Variants in FBXO11 observed in about 807,000 individuals in gnomAD.
The protein encoded by FBXO11 is F-box protein 11.
A neutral mutation model predicts 117.0 loss-of-function variants in FBXO11; 13 were observed. The observed-to-expected ratio is 0.11, with a 90% CI of 0.07 to 0.18. The LOEUF is 0.18. FBXO11 is among the 10% of genes least tolerant of loss of function. The probability of loss-of-function intolerance (pLI) is 1.00; values close to 1 mark genes in which losing one functional copy is unlikely to be tolerated. For missense variants in FBXO11, 767 were observed against 1,164.4 expected, an observed-to-expected ratio of 0.66 and a Z score of 4.97; for synonymous variants, 490 against 380.5, an observed-to-expected ratio of 1.29 and a Z score of -3.35.
chr2:47,830,452 G>T (rs1186744258), intron 11 of FBXO11, among the ~76,000 whole-genome samples: 2 of 151,966 alleles, frequency 1.3e-5, no homozygotes, highest in Non-Finnish European at 2.9e-5. Flanking sequence ...TTAAATTCAA[G>T]AATGGAGAAA....
At chr2:47,843,368 G>A (rs1673158915) in intron 1 of FBXO11, among the ~76,000 whole-genome samples, 1 of 151,248 alleles carries the variant, frequency 6.6e-6, no homozygotes, top group Admixed American at 6.6e-5. Flanking sequence ...GAGGGTGGTG[G>A]TGGTTTATTC....
chr2:47,850,736 G>C (rs1259906431), intron 1 of FBXO11, among the ~76,000 whole-genome samples: 1 of 152,088 alleles, frequency 6.6e-6, no homozygotes, highest in Non-Finnish European at 1.5e-5. Flanking sequence ...ACTAATTCAA[G>C]GATTAAAGTC....
chr2:47,866,735 G>C lies in FBXO11; in HGVS notation c.233-26966C>G, dbSNP rs960477709. ...GATCTGCCCACCTCGGCCTCCCAAA[G>C]TGCTGGGATTACAGGCGTGAGCCAC... On this transcript the variant is annotated intron_variant, in intron 1 of 22. Transcript: ENST00000403359. Among the ~76,000 whole-genome samples, 7 of 152,092 alleles carry C rather than the reference G, an allele frequency of 4.6e-5. No homozygotes were observed. The East Asian group carries it at 1.3e-3, about 29-fold the overall frequency.
intron 1 of FBXO11, among the ~76,000 whole-genome samples, chr2:47,899,988 TCTCA>T (rs1481421167): frequency 6.6e-6 from 1 of 152,042 alleles, no homozygotes; most frequent in Non-Finnish European, 1.5e-5. Context: ...AACTAGGGGT[TCTCA>T]CTAACAGATC....
intron 1 of FBXO11, among the ~76,000 whole-genome samples, chr2:47,898,275 G>C (rs1185946440): frequency 6.6e-6 from 1 of 152,092 alleles, no homozygotes; most frequent in Non-Finnish European, 1.5e-5. Flanking sequence ...AAGTTAGTTG[G>C]TTTCATTTCT....
chr2:47,887,957 G>A (rs1195652249), intron 1 of FBXO11, among the ~76,000 whole-genome samples: 2 of 152,094 alleles, frequency 1.3e-5, no homozygotes, highest in Non-Finnish European at 2.9e-5. Flanking sequence ...GTTCGAGGCT[G>A]CAGAGAGTAG....
chr2:47,902,081 G>A (rs1572936700), intron 1 of FBXO11, among the ~76,000 whole-genome samples: 1 of 152,198 alleles, frequency 6.6e-6, no homozygotes, highest in East Asian at 1.9e-4. Context: ...GATTACAGGC[G>A]TGAGCCGCCA....
intron 18 of FBXO11, among the ~76,000 whole-genome samples, chr2:47,812,649 A>G (rs983545124): frequency 1.3e-5 from 2 of 152,204 alleles, no homozygotes; most frequent in African/African-American, 4.8e-5. Flanking sequence ...ATATGTACAA[A>G]TGTTGGGTTA....
intron 1 of FBXO11, among the ~76,000 whole-genome samples, chr2:47,852,319 G>T (rs1190518187): frequency 1.3e-5 from 2 of 152,072 alleles, no homozygotes; most frequent in African/African-American, 4.8e-5. Context: ...GAAGAAAAAC[G>T]GACCTCACCA....
intron 1 of FBXO11, among the ~76,000 whole-genome samples, chr2:47,859,978 G>A (rs1271800524): frequency 6.6e-6 from 1 of 152,034 alleles, no homozygotes; most frequent in Non-Finnish European, 1.5e-5. Flanking sequence ...TTGCTGTCAT[G>A]TTGCTGTTTC....
intron 11 of FBXO11, 30 bp from the exon 12 acceptor site, chr2:47,823,390 T>G: frequency 6.8e-7 from 1 of 1,469,546 alleles, no homozygotes; most frequent in Non-Finnish European, 9.3e-7. Flanking sequence ...AATCTGTAGG[T>G]AAAGCCTACT....
intron 11 of FBXO11, among the ~76,000 whole-genome samples, chr2:47,826,151 C>T (rs894323857): frequency 4.6e-5 from 7 of 152,000 alleles, no homozygotes; most frequent in Non-Finnish European, 7.4e-5. Flanking sequence ...CTCCATGTCC[C>T]GGGTTCACGC....
At chr2:47,843,809 C>T (rs1036415962) in intron 1 of FBXO11, among the ~76,000 whole-genome samples, 7 of 152,074 alleles carry the variant, frequency 4.6e-5, no homozygotes, top group South Asian at 2.1e-4. Context: ...GGCGTGATCT[C>T]GGCTCACTGC....
chr2:47,843,734 GCTT>G (rs200411440), intron 1 of FBXO11, among the ~76,000 whole-genome samples: 18 of 151,360 alleles, frequency 1.2e-4, no homozygotes, highest in South Asian at 4.2e-4. Context: ...ATTTGCTGCT[GCTT>G]CTTCTTCTTC....
chr2:47,893,664 C>G (rs547204106), intron 1 of FBXO11, among the ~76,000 whole-genome samples: 27 of 152,296 alleles, frequency 1.8e-4, no homozygotes, highest in African/African-American at 6.5e-4. Context: ...GATAACCTAA[C>G]AAATTCAAAC....
chr2:47,887,635 C>T (rs11682547), intron 1 of FBXO11, among the ~76,000 whole-genome samples: 5,089 of 151,942 alleles, frequency 0.033, 133 homozygotes, highest in Non-Finnish European at 0.054. Context: ...CTGAGGTGGG[C>T]GAACTGCTGG....
chr2:47,848,405 A>T (rs1673587951), intron 1 of FBXO11, among the ~76,000 whole-genome samples: 1 of 152,164 alleles, frequency 6.6e-6, no homozygotes, highest in Non-Finnish European at 1.5e-5. Context: ...GAATCTAATT[A>T]TGTGGTGCAT....
intron 1 of FBXO11, among the ~76,000 whole-genome samples, chr2:47,892,136 A>G (rs1455658736): frequency 6.6e-6 from 1 of 151,948 alleles, no homozygotes; most frequent in Non-Finnish European, 1.5e-5. Flanking sequence ...TCACTTGTCT[A>G]TTTTTACTTT....
chr2:47,889,316 C>T (rs1399010215), intron 1 of FBXO11, among the ~76,000 whole-genome samples: 5 of 152,086 alleles, frequency 3.3e-5, no homozygotes, highest in Admixed American at 2.6e-4. Flanking sequence ...TAGACTATTC[C>T]CTAGAATCTA....
Sources: allele counts gnomAD v4.1 joint callset (sites outside exome capture counted in the v4.1 genomes callset), GRCh38; gene constraint gnomAD v4.1.1; transcripts MANE v1.5; gene names NCBI Gene and HGNC (gene_info 2026-07-23, HGNC 2026-07-21).